SDCCAG8: variants seen among roughly 807,000 people sequenced by gnomAD.
SDCCAG8 encodes serologically defined colon cancer antigen 8.
SDCCAG8 carries 74 observed loss-of-function variants against 101.8 expected under a neutral mutation model. That is an observed-to-expected ratio of 0.73 (90% CI 0.60 to 0.88). SDCCAG8 has a LOEUF of 0.88. Among genes scored for constraint, SDCCAG8 ranks in the 40% least tolerant of loss-of-function variants. SDCCAG8 has a pLI of 0.00. For synonymous variants in SDCCAG8, 281 were observed against 292.9 expected, an observed-to-expected ratio of 0.96 and a Z score of 0.41; for missense variants, 787 against 822.6, an observed-to-expected ratio of 0.96 and a Z score of 0.53.
chr1:243,446,115 G>A (rs1294693175), intron 16 of SDCCAG8, among the ~76,000 whole-genome samples: 1 of 152,188 alleles, frequency 6.6e-6, no homozygotes, highest in Non-Finnish European at 1.5e-5. Flanking sequence ...AAAGGAAAGG[G>A]TTAGTTGTTG....
rs535643096 is a variant in SDCCAG8, at chr1:243,310,422, A to G, written c.929+2245A>G. ...TTACCCCCGTTTTATAGCTAGGGAA[A>G]TTGGGGTTCAGAGAAGTTAAAAATT... On this transcript the variant is annotated intron_variant, in intron 8 of 17. Transcript: ENST00000366541. Among the ~76,000 whole-genome samples the G allele has an allele frequency of 1.9e-3, 291 of 152,246 alleles. 1 individual carries two copies. Among genetic ancestry groups the G allele is most frequent in the Non-Finnish European group, 3.2e-3 (217 of 68,000 alleles).
At chr1:243,311,104 A>G (rs893996924) in intron 8 of SDCCAG8, among the ~76,000 whole-genome samples, 6 of 152,168 alleles carry the variant, frequency 3.9e-5, no homozygotes, top group Non-Finnish European at 8.8e-5. Context: ...GTACATGCAT[A>G]ATGGGGTATG....
At chr1:243,413,482 A>C (rs2080331675) in intron 13 of SDCCAG8, among the ~76,000 whole-genome samples, 1 of 152,204 alleles carries the variant, frequency 6.6e-6, no homozygotes, top group Non-Finnish European at 1.5e-5. Flanking sequence ...CTGGGATTAC[A>C]GATGTGAGCC....
chr1:243,275,856 GTTTTTTTTTTTTTTTTT>G (rs11344816), intron 4 of SDCCAG8, among the ~76,000 whole-genome samples: 1 of 59,108 alleles, frequency 1.7e-5, no homozygotes, highest in East Asian at 4.8e-4. Flanking sequence ...TTGAACCAAT[GTTTTTTTTTTTTTTTTT>G]TTTTTTTTTT....
In SDCCAG8 at chr1:243,256,053, C is replaced by T. The variant is rs768318766; in HGVS notation, c.-121C>T. 4.6e-4 allele frequency: 425 copies of T among 914,336 alleles called. 1 individual carries two copies. The highest frequency in any genetic ancestry group is 7.3e-4 in the Non-Finnish European group (397 of 543,368). 56.6% of individuals were successfully genotyped at this position (914,336 alleles called of 1,614,324 possible). On this transcript the variant is annotated 5_prime_UTR_variant, in exon 1 of 18. Coordinates refer to ENST00000366541, the MANE Select transcript of SDCCAG8 (RefSeq NM_006642.5). Reference sequence around the variant, plus strand: ...AGCTCTGTGCGGGATTCTAGGCTCCCCTGTGACAGCCGCGGCAGGAAGCAG... The same window carrying T: ...AGCTCTGTGCGGGATTCTAGGCTCCTCTGTGACAGCCGCGGCAGGAAGCAG...
chr1:243,438,516 T>TTG (rs147959124), intron 16 of SDCCAG8, among the ~76,000 whole-genome samples: 9,033 of 146,440 alleles, frequency 0.062, 498 homozygotes, highest in African/African-American at 0.16. Context: ...GTGGGAGTGA[T>TTG]TGTGTGTGTG....
chr1:243,301,417 A>C (rs2071492945), intron 6 of SDCCAG8, among the ~76,000 whole-genome samples: 1 of 152,194 alleles, frequency 6.6e-6, no homozygotes, highest in Non-Finnish European at 1.5e-5. Context: ...TAACACCATG[A>C]GGCCCATGCA....
At chr1:243,383,683 A>G (rs1246978807) in intron 13 of SDCCAG8, among the ~76,000 whole-genome samples, 1 of 152,156 alleles carries the variant, frequency 6.6e-6, no homozygotes, top group African/African-American at 2.4e-5. Context: ...CCCGGTGAAT[A>G]TTCATAAGCC....
chr1:243,478,667 A>G (rs925741978), intron 16 of SDCCAG8, among the ~76,000 whole-genome samples: 5 of 152,150 alleles, frequency 3.3e-5, no homozygotes, highest in African/African-American at 9.7e-5. Flanking sequence ...GTAAACAGCA[A>G]ACCAGCCACT....
intron 6 of SDCCAG8, among the ~76,000 whole-genome samples, chr1:243,300,656 A>G (rs2071408205): frequency 6.6e-6 from 1 of 152,166 alleles, no homozygotes; most frequent in African/African-American, 2.4e-5. Context: ...TACTTTCCAA[A>G]CATGGTTTGG....
At chr1:243,313,362 T>C (rs933318270) in intron 8 of SDCCAG8, among the ~76,000 whole-genome samples, 15 of 152,226 alleles carry the variant, frequency 9.9e-5, no homozygotes, top group Admixed American at 8.5e-4. Flanking sequence ...CTCATGCATA[T>C]ACATTAGACC....
chr1:243,269,167 A>C (rs920522664), intron 1 of SDCCAG8: 3 of 152,454 alleles, frequency 2.0e-5, no homozygotes, highest in Non-Finnish European at 2.9e-5. Flanking sequence ...AGAAGCTGCC[A>C]GTCCTTTTAA....
intron 4 of SDCCAG8, among the ~76,000 whole-genome samples, chr1:243,284,940 T>C (rs920827182): frequency 6.6e-6 from 1 of 152,036 alleles, no homozygotes; most frequent in Non-Finnish European, 1.5e-5. Context: ...TGGAGTGCAG[T>C]GGCGTGATCT....
chr1:243,380,712 CA>C (rs1425757197), intron 13 of SDCCAG8, among the ~76,000 whole-genome samples: 5 of 151,726 alleles, frequency 3.3e-5, no homozygotes, highest in Non-Finnish European at 7.4e-5. Flanking sequence ...TTATTTAAAC[CA>C]ATTCTACTAA....
At chr1:243,257,987 G>C (rs73116199) in intron 1 of SDCCAG8, among the ~76,000 whole-genome samples, 1 of 151,954 alleles carries the variant, frequency 6.6e-6, no homozygotes, top group Non-Finnish European at 1.5e-5. Context: ...GCAGTAAAGG[G>C]GTTCATTTTA....
chr1:243,366,688 G>A (rs1424853854), intron 12 of SDCCAG8, among the ~76,000 whole-genome samples: 3 of 151,986 alleles, frequency 2.0e-5, no homozygotes, highest in Non-Finnish European at 2.9e-5. Context: ...AGGAAATGAT[G>A]TACCTTAGAT....
chr1:243,445,888 A>G (rs2082868231), intron 16 of SDCCAG8, among the ~76,000 whole-genome samples: 1 of 152,210 alleles, frequency 6.6e-6, no homozygotes, highest in Non-Finnish European at 1.5e-5. Context: ...TCATAGAATC[A>G]GCAACTCTTT....
At chr1:243,442,712 A>C (rs1461402398) in intron 16 of SDCCAG8, among the ~76,000 whole-genome samples, 2 of 152,222 alleles carry the variant, frequency 1.3e-5, no homozygotes, top group Admixed American at 6.5e-5. Flanking sequence ...ACAGTCACAG[A>C]ATCTTCCAAC....
chr1:243,492,604 G>GTT (rs74162289), intron 17 of SDCCAG8, among the ~76,000 whole-genome samples: 3,412 of 58,716 alleles, frequency 0.058, 155 homozygotes, highest in Non-Finnish European at 0.077. Context: ...GCGCCCAGCT[G>GTT]TTTTTTTTTT....
Sources: gnomAD v4.1 joint callset for allele counts (sites outside exome capture counted in the v4.1 genomes callset) on GRCh38, gnomAD v4.1.1 for gene constraint, MANE v1.5 for transcripts, NCBI Gene and HGNC (gene_info 2026-07-23, HGNC 2026-07-21) for gene names.